COPZ1: variants seen among roughly 807,000 people sequenced by gnomAD.
The protein encoded by COPZ1 is coat protein complex I subunit zeta 1.
In COPZ1, 4 loss-of-function variants were observed where a neutral mutation model predicts 31.7. The observed-to-expected ratio is 0.13, with a 90% CI of 0.06 to 0.29. COPZ1 has a LOEUF of 0.29. Among genes scored for constraint, COPZ1 ranks in the 10% least tolerant of loss-of-function variants. The pLI, the probability that COPZ1 is intolerant of heterozygous loss-of-function variation, is 1.00. For synonymous variants in COPZ1, 74 were observed against 79.0 expected (o/e 0.94, Z 0.33); for missense variants, 156 against 211.5 (o/e 0.74, Z 1.63).
At chr12:54,341,448 C>T (rs1416682118) in intron 2 of COPZ1, among the ~76,000 whole-genome samples, 1 of 152,194 alleles carries the variant, frequency 6.6e-6, no homozygotes, top group Non-Finnish European at 1.5e-5. Flanking sequence ...GCGAGCGTAG[C>T]ATAAATCAAT....
chr12:54,339,852 TC>T (rs1483262328), intron 1 of COPZ1, among the ~76,000 whole-genome samples: 1 of 152,108 alleles, frequency 6.6e-6, no homozygotes, highest in Non-Finnish European at 1.5e-5. Flanking sequence ...CCCCCAAAAT[TC>T]AGGTTGGCTT....
intron 7 of COPZ1, among the ~76,000 whole-genome samples, chr12:54,348,658 G>C (rs1165306630): frequency 6.6e-6 from 1 of 152,036 alleles, no homozygotes. Context: ...AATTGCTTGA[G>C]CCCGGGAGGT....
intron 1 of COPZ1, among the ~76,000 whole-genome samples, chr12:54,331,298 C>T (rs777000511): frequency 7.9e-5 from 12 of 151,172 alleles, no homozygotes; most frequent in South Asian, 2.1e-4. Context: ...CTCCTTCCTC[C>T]GCCTCCCGAG....
At chr12:54,330,366 T>C (rs1953728603) in intron 1 of COPZ1, among the ~76,000 whole-genome samples, 1 of 152,218 alleles carries the variant, frequency 6.6e-6, no homozygotes, top group Non-Finnish European at 1.5e-5. Flanking sequence ...AGACCTCGGC[T>C]TGAACTAAAA....
chr12:54,339,891 T>G (rs2137100887), intron 1 of COPZ1, among the ~76,000 whole-genome samples: 1 of 152,072 alleles, frequency 6.6e-6, no homozygotes, highest in Middle Eastern at 3.4e-3. Context: ...GTGGTAGTGG[T>G]TAAGGTATAG....
At chr12:54,337,019 C>CAAAAAAAAA (rs1182592654) in intron 1 of COPZ1, among the ~76,000 whole-genome samples, 2 of 61,644 alleles carry the variant, frequency 3.2e-5, no homozygotes, top group Non-Finnish European at 5.9e-5. Flanking sequence ...GAGACTGTCG[C>CAAAAAAAAA]AAAAAAAAAA....
rs1954003126 is a variant in COPZ1, at chr12:54,343,098, C to T, written c.170-127C>T. ...TCTTGAACTCCTGACCTTAGGTGATCCGCCAGGCTCGGCTTCCCAAGGTGC... is the reference window on the plus strand; with the variant it reads ...TCTTGAACTCCTGACCTTAGGTGATTCGCCAGGCTCGGCTTCCCAAGGTGC... On this transcript the variant is annotated intron_variant, in intron 3 of 8. Coordinates refer to ENST00000262061, the MANE Select transcript of COPZ1 (RefSeq NM_016057.3). 9 of 742,688 alleles carry T rather than the reference C, an allele frequency of 1.2e-5. No individual in the cohort carries two copies. The South Asian group carries it at 1.4e-4, about 12-fold the overall frequency. 46.0% of individuals were successfully genotyped at this position (742,688 alleles called of 1,614,324 possible).
chr12:54,336,031 C>T (rs536930245), intron 1 of COPZ1, among the ~76,000 whole-genome samples: 2 of 152,100 alleles, frequency 1.3e-5, no homozygotes, highest in East Asian at 3.9e-4. Flanking sequence ...CTGTAATTCC[C>T]TCCATAGAGG....
intron 1 of COPZ1, among the ~76,000 whole-genome samples, chr12:54,332,658 T>C (rs1436557347): frequency 6.6e-6 from 1 of 150,560 alleles, no homozygotes; most frequent in African/African-American, 2.5e-5. Context: ...CGCTTGAACC[T>C]GGGAGGTGGA....
chr12:54,348,118 C>A, intron 7 of COPZ1, 67 bp downstream of exon 7: 1 of 1,449,096 alleles, frequency 6.9e-7, no homozygotes, highest in Non-Finnish European at 9.7e-7. Context: ...GCCAGACCTG[C>A]TGGATGTGTC....
chr12:54,347,730 A>G (rs1355146981), intron 5 of COPZ1, 37 bp from the exon 6 acceptor site: 2 of 1,585,596 alleles, frequency 1.3e-6, no homozygotes, highest in Non-Finnish European at 1.7e-6. Flanking sequence ...TTTCACATAC[A>G]AGTTGGTTAT....
chr12:54,343,885 G>A (rs1954015308), intron 4 of COPZ1, among the ~76,000 whole-genome samples: 1 of 152,228 alleles, frequency 6.6e-6, no homozygotes, highest in Admixed American at 6.5e-5. Context: ...CTTATTATTG[G>A]TATAAGTGCT....
intron 5 of COPZ1, 136 bp from the exon 6 acceptor site, chr12:54,347,628 GTTC>G: frequency 1.4e-6 from 1 of 705,226 alleles, no homozygotes; most frequent in East Asian, 2.8e-5. Flanking sequence ...TAGCTAAAAA[GTTC>G]TTCACCTTAT....
chr12:54,345,621 T>C, intron 5 of COPZ1, 106 bp downstream of exon 5: 1 of 891,406 alleles, frequency 1.1e-6, no homozygotes, highest in Non-Finnish European at 1.8e-6. Context: ...GCCCAGGGAT[T>C]GTAGGGGATT....
chr12:54,334,474 A>T lies in COPZ1; in HGVS notation c.19-6073A>T, dbSNP rs1953818226. On this transcript the variant is annotated intron_variant, in intron 1 of 8. Coordinates refer to ENST00000262061, the MANE Select transcript of COPZ1 (RefSeq NM_016057.3). ...TCTTCCCTGTCAAAGACTTTAGCTA[A>T]TTCTTCTTTTCTTTTCATCTGAAGT... Among the ~76,000 whole-genome samples, 8 of 152,176 alleles carry T rather than the reference A, an allele frequency of 5.3e-5. No homozygotes were observed. The South Asian group carries it at 1.5e-3, about 28-fold the overall frequency.
At chr12:54,345,219 A>G (rs1023447370) in intron 4 of COPZ1, 4 of 476,946 alleles carry the variant, frequency 8.4e-6, no homozygotes, top group South Asian at 2.7e-5. Context: ...GGACTGTGAC[A>G]GGGAAGTTCT....
intron 1 of COPZ1, among the ~76,000 whole-genome samples, chr12:54,326,124 A>AATAATTATTATTATTATT (rs1555152047): frequency 5.4e-4 from 75 of 139,168 alleles, no homozygotes; most frequent in African/African-American, 1.8e-3. Context: ...CCTGGCCAGG[A>AATAATTATTATTATTATT]ATTATTATTA....
At chr12:54,346,229 C>T (rs1481161617) in intron 5 of COPZ1, among the ~76,000 whole-genome samples, 1 of 151,150 alleles carries the variant, frequency 6.6e-6, no homozygotes, top group Non-Finnish European at 1.5e-5. Flanking sequence ...AAATGTCATT[C>T]AGTACTTCAG....
chr12:54,340,946 G>A (rs1439284513), intron 2 of COPZ1, among the ~76,000 whole-genome samples: 6 of 152,020 alleles, frequency 3.9e-5, no homozygotes, highest in Admixed American at 6.6e-5. Flanking sequence ...TGATTCGCCC[G>A]CCTTGGCCTC....
Sources: gnomAD v4.1 joint callset for allele counts (sites outside exome capture counted in the v4.1 genomes callset) on GRCh38, gnomAD v4.1.1 for gene constraint, MANE v1.5 for transcripts, NCBI Gene and HGNC (gene_info 2026-07-23, HGNC 2026-07-21) for gene names.